F13A1: variants seen among roughly 807,000 people sequenced by gnomAD.
F13A1 encodes the protein FSF, A subunit.
F13A1 carries 47 observed loss-of-function variants against 80.1 expected under a neutral mutation model. The observed-to-expected ratio is 0.59, with a 90% CI of 0.46 to 0.75. The LOEUF is 0.75. Among genes scored for constraint, F13A1 ranks in the 30% least tolerant of loss-of-function variants. The pLI, the probability that F13A1 is intolerant of heterozygous loss-of-function variation, is 0.00. For synonymous variants in F13A1, 349 were observed against 344.9 expected (o/e 1.01, Z -0.13); for missense variants, 817 against 930.4 (o/e 0.88, Z 1.59).
At chr6:6,160,854 CTT>C (rs11318478) in intron 13 of F13A1, among the ~76,000 whole-genome samples, 6,510 of 144,824 alleles carry the variant, frequency 0.045, 379 homozygotes, top group African/African-American at 0.13. Flanking sequence ...ATTTTAAAAG[CTT>C]TTTTTTTTTT....
chr6:6,176,709 C>T (rs567761410), intron 11 of F13A1, among the ~76,000 whole-genome samples: 3 of 152,190 alleles, frequency 2.0e-5, no homozygotes, highest in African/African-American at 4.8e-5. Context: ...CAGAAATCAT[C>T]TGGCCAATAG....
At chr6:6,201,808 T>C (rs1561652863) in intron 8 of F13A1, among the ~76,000 whole-genome samples, 2 of 152,148 alleles carry the variant, frequency 1.3e-5, no homozygotes, top group East Asian at 3.8e-4. Flanking sequence ...TCTTTTAAAG[T>C]GCTGGGATTA....
intron 10 of F13A1, among the ~76,000 whole-genome samples, chr6:6,194,357 A>C (rs1583065601): frequency 1.3e-5 from 2 of 152,198 alleles, no homozygotes; most frequent in Non-Finnish European, 2.9e-5. Flanking sequence ...ACAGCTTTCA[A>C]CTGCCCCCAC....
chr6:6,210,328 T>TATATATATATAC lies in F13A1; in HGVS notation c.1112+11704_1112+11705insGTATATATATAT, dbSNP rs1054430280. On this transcript the variant is annotated intron_variant, in intron 8 of 14. Transcript: ENST00000264870. ...TTTGTAAATTTTGTAGCATGTGATA[T>TATATATATATAC]ATATATATATATATATATATTTCTT... Among the ~76,000 whole-genome samples the TATATATATATAC allele has an allele frequency of 4.2e-5, 5 of 117,660 alleles. 1 individual carries two copies. The highest frequency in any genetic ancestry group is 1.9e-4 in the African/African-American group (5 of 25,748). 77.2% of individuals were successfully genotyped at this position (117,660 alleles called of 152,430 possible). A position where few individuals can be genotyped will look rare whatever the true frequency, so the allele number is the denominator to read the frequency against.
intron 4 of F13A1, among the ~76,000 whole-genome samples, chr6:6,263,983 C>T (rs1561672414): frequency 6.6e-6 from 1 of 152,216 alleles, no homozygotes; most frequent in East Asian, 1.9e-4. Flanking sequence ...TTCCTCCAAT[C>T]CTTTCCATGA....
At chr6:6,222,882 C>A (rs1443422555) in intron 7 of F13A1, among the ~76,000 whole-genome samples, 1 of 152,132 alleles carries the variant, frequency 6.6e-6, no homozygotes, top group African/African-American at 2.4e-5. Context: ...CTTGGAAGTC[C>A]AAACTGGAGT....
In F13A1 at chr6:6,243,835, A is replaced by G. The variant is rs765338800; in HGVS notation, c.798+4477T>C. ...CCTTGACCCACTGGAGCAAATATGG[A>G]TGGAGGTGGTACATGTAGGTGTGTC... On this transcript the variant is annotated intron_variant, in intron 6 of 14. Coordinates refer to ENST00000264870, the MANE Select transcript of F13A1 (RefSeq NM_000129.4). This position sits in a 1 kb window ranked among gnomAD's most constrained non-coding sequence, Gnocchi z 4.2. 6.6e-6 allele frequency among the ~76,000 whole-genome samples: 1 copy of G among 152,174 alleles called. No individual in the cohort carries two copies. Among genetic ancestry groups the G allele is most frequent in the Non-Finnish European group, 1.5e-5 (1 of 68,026 alleles).
At chr6:6,256,702 G>A (rs1187912158) in intron 4 of F13A1, among the ~76,000 whole-genome samples, 6 of 152,130 alleles carry the variant, frequency 3.9e-5, no homozygotes, top group African/African-American at 1.4e-4. Context: ...AGAAGGTAAG[G>A]ATTTATAACA....
At chr6:6,187,060 T>C (rs1335911702) in intron 10 of F13A1, among the ~76,000 whole-genome samples, 1 of 110,606 alleles carries the variant, frequency 9.0e-6, no homozygotes, top group African/African-American at 3.8e-5. Flanking sequence ...CTTGTGATTT[T>C]TGTACATTGA....
chr6:6,195,820 C>T lies in F13A1; in HGVS notation c.1282G>A (p.Asp428Asn), dbSNP rs1185815070. ...ACCTCTGCAAAAACAAAAGGTGCATCAAATTGGAAGCAGACATGGCCGTGC... is the reference window on the plus strand; with the variant it reads ...ACCTCTGCAAAAACAAAAGGTGCATTAAATTGGAAGCAGACATGGCCGTGC... ...IKHGHVCFQF[D>N]APFVFAEVNS... The change falls in exon 10 of 15, where the codon GAT (aspartate) becomes AAT (asparagine). Residue 428 changes from aspartate (D) to asparagine (N), a missense_variant. Transcript: ENST00000264870. 1 of 1,614,166 alleles carries T rather than the reference C, an allele frequency of 6.2e-7. No homozygotes were observed. The highest frequency in any genetic ancestry group is 1.7e-5 in the Admixed American group (1 of 60,032).
chr6:6,200,374 C>T (rs1011743223), intron 8 of F13A1, among the ~76,000 whole-genome samples: 1 of 151,988 alleles, frequency 6.6e-6, no homozygotes, highest in African/African-American at 2.4e-5. Context: ...TGAGGCCATC[C>T]TGGGCAACAT....
At chr6:6,218,030 C>T (rs574646081) in intron 8 of F13A1, among the ~76,000 whole-genome samples, 1 of 152,136 alleles carries the variant, frequency 6.6e-6, no homozygotes, top group Non-Finnish European at 1.5e-5. Context: ...CACTGCTCCC[C>T]CTGTGGGTGG....
intron 8 of F13A1, among the ~76,000 whole-genome samples, chr6:6,211,941 A>T (rs1761621506): frequency 6.6e-6 from 1 of 152,134 alleles, no homozygotes; most frequent in Admixed American, 6.5e-5. Flanking sequence ...AAATCGGGTC[A>T]CTCCCACCCA....
chr6:6,292,844 C>T (rs923267805), intron 3 of F13A1, among the ~76,000 whole-genome samples: 5 of 152,136 alleles, frequency 3.3e-5, no homozygotes, highest in Admixed American at 2.6e-4. Context: ...CACATGACTG[C>T]GGGTCCACCA....
At chr6:6,179,003 G>GC (rs1760931609) in intron 11 of F13A1, among the ~76,000 whole-genome samples, 2 of 152,324 alleles carry the variant, frequency 1.3e-5, no homozygotes, top group South Asian at 4.1e-4. Context: ...ACAGCAGGAC[G>GC]CAAGTCCAGG....
intron 13 of F13A1, among the ~76,000 whole-genome samples, chr6:6,163,547 T>A (rs113548736): frequency 3.0e-4 from 46 of 152,348 alleles, no homozygotes; most frequent in African/African-American, 1.1e-3. Context: ...TATATCCACA[T>A]GTTCCCATCT....
At chr6:6,151,730 A>T in intron 14 of F13A1, 83 bp downstream of exon 14, 1 of 1,576,782 alleles carries the variant, frequency 6.3e-7, no homozygotes, top group Non-Finnish European at 8.7e-7. Context: ...TGGGGAGCAG[A>T]TCTATGTTTG....
chr6:6,146,812 C>T (rs1026187900), intron 14 of F13A1, among the ~76,000 whole-genome samples: 9 of 152,174 alleles, frequency 5.9e-5, no homozygotes, highest in African/African-American at 2.2e-4. Context: ...TAAAAGTGTA[C>T]ACCATATGTT....
intron 6 of F13A1, among the ~76,000 whole-genome samples, chr6:6,239,356 G>C (rs1757455714): frequency 6.6e-6 from 1 of 152,102 alleles, no homozygotes. Flanking sequence ...GGAAACTTCT[G>C]AGCTTGTGGA....
Sources: allele counts gnomAD v4.1 joint callset (sites outside exome capture counted in the v4.1 genomes callset), GRCh38; gene constraint gnomAD v4.1.1; non-coding constraint Gnocchi (gnomAD v3.1); transcripts MANE v1.5; gene names NCBI Gene and HGNC (gene_info 2026-07-23, HGNC 2026-07-21).